CNNM4: variants seen among roughly 807,000 people sequenced by gnomAD.
CNNM4 encodes cyclin and CBS domain divalent metal cation transport mediator 4, also known as metal transporter CNNM4.
A neutral mutation model predicts 53.7 loss-of-function variants in CNNM4; 32 were observed. The observed-to-expected ratio is 0.60, with a 90% CI of 0.45 to 0.80. The LOEUF (loss-of-function observed/expected upper bound fraction) is 0.80, where lower values mean the gene tolerates loss of function less well. Ranked by LOEUF, CNNM4 falls within the 30% of genes least tolerant of loss-of-function variation. CNNM4 has a pLI of 0.00. For missense variants in CNNM4, 784 were observed against 1,022.0 expected, an observed-to-expected ratio of 0.77 and a Z score of 3.17; for synonymous variants, 410 against 440.0, an observed-to-expected ratio of 0.93 and a Z score of 0.85.
intron 1 of CNNM4, among the ~76,000 whole-genome samples, chr2:96,779,508 CA>C (rs1178143077): frequency 0.018 from 1,144 of 62,058 alleles, 9 homozygotes; most frequent in East Asian, 0.082. Context: ...GACCTCGTCT[CA>C]AAAAAAAAAA....
At chr2:96,780,931 GA>G (rs1225848232) in intron 1 of CNNM4, among the ~76,000 whole-genome samples, 2 of 134,704 alleles carry the variant, frequency 1.5e-5, no homozygotes, top group Non-Finnish European at 3.1e-5. Context: ...ATTTTTAGTA[GA>G]AATGAGGTTT....
In CNNM4 at chr2:96,761,986, C is replaced by T. The variant is rs1327581466; in HGVS notation, c.987C>T (p.Gly329=). The change falls in exon 1 of 7, where the codon GGC becomes GGT. Residue 329 remains glycine (G), a synonymous_variant. Transcript: ENST00000377075. The surrounding 1 kb of genome is among the most constrained non-coding windows in gnomAD (Gnocchi z 6.0). ...PISKLLDFFL[G]QEIRTVYNRE... is the part of the protein sequence containing the mutation. ...GCAAGCTCCTGGACTTTTTTCTGGG[C>T]CAGGAGATTCGCACTGTTTACAACC... 9.3e-6 allele frequency: 15 copies of T among 1,614,022 alleles called. No individual in the cohort carries two copies. The highest frequency in any genetic ancestry group is 1.3e-5 in the Non-Finnish European group (15 of 1,180,040).
chr2:96,760,939 T>C lies in CNNM4; in HGVS notation c.-61T>C, dbSNP rs1019352396. On this transcript the variant is annotated 5_prime_UTR_variant, in exon 1 of 7. Coordinates refer to ENST00000377075, the MANE Select transcript of CNNM4 (RefSeq NM_020184.4). ...GGCAGCGGAGCGGCCGGAGCTGCGG[T>C]GCGGACCGGGGCCGCGCGGCGTGGC... is the stretch of plus-strand genomic sequence containing the variant. The C allele has an allele frequency of 1.1e-6, 1 of 909,950 alleles. No individual in the cohort carries two copies. The highest frequency in any genetic ancestry group is 1.8e-5 in the African/African-American group (1 of 54,754). The allele number at this position is 909,950 out of a possible 1,614,324, so 56.4% of individuals were successfully genotyped here. A position where few individuals can be genotyped will look rare whatever the true frequency, so the allele number is the denominator to read the frequency against.
intron 5 of CNNM4, among the ~76,000 whole-genome samples, chr2:96,804,652 C>T (rs2079186637): frequency 6.6e-6 from 1 of 152,158 alleles, no homozygotes; most frequent in East Asian, 2.0e-4. Context: ...CCACCCGCCT[C>T]GGCCTCCCAA....
intron 1 of CNNM4, among the ~76,000 whole-genome samples, chr2:96,781,236 C>T (rs2078973228): frequency 6.6e-6 from 1 of 152,090 alleles, no homozygotes; most frequent in Non-Finnish European, 1.5e-5. Context: ...GCCTCAGCCT[C>T]CCAAAGTGCT....
At chr2:96,785,066 T>C (rs1321044183) in intron 1 of CNNM4, among the ~76,000 whole-genome samples, 1 of 151,932 alleles carries the variant, frequency 6.6e-6, no homozygotes, top group Non-Finnish European at 1.5e-5. Flanking sequence ...TTAGTAGAGA[T>C]AGGATTTCAT....
chr2:96,801,917 C>G lies in CNNM4; in HGVS notation c.1948+2269C>G, dbSNP rs578062547. 1.9e-3 allele frequency among the ~76,000 whole-genome samples: 293 copies of G among 151,506 alleles called. 1 individual carries two copies. The highest frequency in any genetic ancestry group is 0.011 in the South Asian group (50 of 4,748). On this transcript the variant is annotated intron_variant, in intron 5 of 6. Transcript: ENST00000377075. This position sits in a 1 kb window ranked among gnomAD's most constrained non-coding sequence, Gnocchi z 5.6. ...GGATACACATACACACATAGATACACCACTCATAGACACACAAACACACAC... is the reference window on the plus strand; with the variant it reads ...GGATACACATACACACATAGATACAGCACTCATAGACACACAAACACACAC...
At chr2:96,776,027 GTTT>G (rs538342553) in intron 1 of CNNM4, among the ~76,000 whole-genome samples, 1 of 128,748 alleles carries the variant, frequency 7.8e-6, no homozygotes. Flanking sequence ...TGCCATTGTG[GTTT>G]TTTTTTTTTT....
chr2:96,797,783 G>A lies in CNNM4; in HGVS notation c.1681+136G>A, dbSNP rs941324266. ...TGCAGAGACAACACAGCCACCCCTG[G>A]AAGGGGCCGGGTATCTGCTCCACCC... On this transcript the variant is annotated intron_variant, in intron 3 of 6. Transcript: ENST00000377075. The surrounding 1 kb of genome is among the most constrained non-coding windows in gnomAD (Gnocchi z 6.0). 4.0e-5 allele frequency: 48 copies of A among 1,199,024 alleles called. No homozygotes were observed. Among genetic ancestry groups the A allele is most frequent in the Non-Finnish European group, 5.6e-5 (47 of 839,630 alleles). The allele number at this position is 1,199,024 out of a possible 1,614,324, so 74.3% of individuals were successfully genotyped here.
Position 96,799,245 on chromosome 2 carries a change from G to C in CNNM4, c.1851+19G>C, listed in dbSNP as rs2079136090. 1 of 1,614,002 alleles carries C rather than the reference G, an allele frequency of 6.2e-7. No individual in the cohort carries two copies. Among genetic ancestry groups the C allele is most frequent in the Non-Finnish European group, 8.5e-7 (1 of 1,179,976 alleles). ...CCTGCAGGTGAGCCCGCTCAGCCCTGGGCCTGCCACCTGCTCCCCCTGGCA... is the reference window on the plus strand; with the variant it reads ...CCTGCAGGTGAGCCCGCTCAGCCCTCGGCCTGCCACCTGCTCCCCCTGGCA... On this transcript the variant is annotated intron_variant, in intron 4 of 6. Coordinates refer to ENST00000377075, the MANE Select transcript of CNNM4 (RefSeq NM_020184.4).
intron 1 of CNNM4, among the ~76,000 whole-genome samples, chr2:96,770,555 C>A (rs62156234): frequency 6.6e-6 from 1 of 152,164 alleles, no homozygotes; most frequent in Non-Finnish European, 1.5e-5. Context: ...TGAGCCTCAC[C>A]GTCCTTCGCA....
In CNNM4 at chr2:96,779,677, CTT is replaced by C. The variant is rs2078956442; in HGVS notation, c.1402+17278_1402+17279del. Among the ~76,000 whole-genome samples, 2 of 151,966 alleles carry C rather than the reference CTT, an allele frequency of 1.3e-5. 1 individual carries two copies. The highest frequency in any genetic ancestry group is 3.8e-4 in the East Asian group (2 of 5,196). ...AACCATGTTGGCATAATTGCAGTAA[CTT>C]TATAAGTTTTGATATCTGGTAATGT... On this transcript the variant is annotated intron_variant, in intron 1 of 6. Transcript: ENST00000377075.
rs565534900 is a variant in CNNM4, at chr2:96,783,197, C to T, written c.1403-13815C>T. Among the ~76,000 whole-genome samples, 25 of 152,200 alleles carry T rather than the reference C, an allele frequency of 1.6e-4. No individual in the cohort carries two copies. The South Asian group carries it at 4.8e-3, about 29-fold the overall frequency. On this transcript the variant is annotated intron_variant, in intron 1 of 6. Transcript: ENST00000377075. Reference sequence around the variant, plus strand: ...TGTAAGCAATTGAGCAAAGGTACAGCGGGGAAGGGGTTCCCTGCCACCTCT... The same window carrying T: ...TGTAAGCAATTGAGCAAAGGTACAGTGGGGAAGGGGTTCCCTGCCACCTCT...
chr2:96,799,526 C>CT (rs1197822008), intron 4 of CNNM4, 26 bp from the exon 5 acceptor site: 2 of 1,546,638 alleles, frequency 1.3e-6, no homozygotes, highest in African/African-American at 2.7e-5. Context: ...CACTTGGTCT[C>CT]TAACTCCAGC....
chr2:96,767,714 C>G (rs181205783), intron 1 of CNNM4, among the ~76,000 whole-genome samples: 16 of 152,264 alleles, frequency 1.1e-4, no homozygotes, highest in Admixed American at 6.5e-4. Flanking sequence ...GGCCTTGGAC[C>G]TGTTACTCCT....
At chr2:96,805,418 G>GTTTTTTTTTTTTTTTTTTTTTTTTTTTT (rs898761608) in intron 5 of CNNM4, among the ~76,000 whole-genome samples, 3 of 76,156 alleles carry the variant, frequency 3.9e-5, no homozygotes, top group Non-Finnish European at 5.3e-5. Flanking sequence ...CTTCTTTTCA[G>GTTTTTTTTTTTTTTTTTTTTTTTTTTTT]TTTTTTTTTT....
Position 96,797,955 on chromosome 2 carries a change from G to A in CNNM4, c.1681+308G>A, listed in dbSNP as rs1282899857. Among the ~76,000 whole-genome samples, 2 of 152,180 alleles carry A rather than the reference G, an allele frequency of 1.3e-5. No homozygotes were observed. The highest frequency in any genetic ancestry group is 2.9e-5 in the Non-Finnish European group (2 of 68,026). On this transcript the variant is annotated intron_variant, in intron 3 of 6. Transcript: ENST00000377075. The surrounding 1 kb of genome is among the most constrained non-coding windows in gnomAD (Gnocchi z 6.0). Reference sequence around the variant, plus strand: ...TGTAATCCCAGCACTTTGGGAGGCCGAGGCAGGAGGATTGCATGAGCCCAG... The same window carrying A: ...TGTAATCCCAGCACTTTGGGAGGCCAAGGCAGGAGGATTGCATGAGCCCAG...
intron 5 of CNNM4, among the ~76,000 whole-genome samples, chr2:96,802,570 A>G (rs548618745): frequency 2.6e-5 from 4 of 152,388 alleles, no homozygotes; most frequent in African/African-American, 9.6e-5. Flanking sequence ...TGCTGGCTAA[A>G]TGATAGTCTT....
chr2:96,763,554 G>A (rs1346552470), intron 1 of CNNM4, among the ~76,000 whole-genome samples: 1 of 152,192 alleles, frequency 6.6e-6, no homozygotes, highest in Non-Finnish European at 1.5e-5. Context: ...TACTGGCTGA[G>A]GCTGCTCAGG....
Sources: gnomAD v4.1 joint callset for allele counts (sites outside exome capture counted in the v4.1 genomes callset) on GRCh38, gnomAD v4.1.1 for gene constraint, Gnocchi (gnomAD v3.1) non-coding constraint, MANE v1.5 for transcripts, NCBI Gene and HGNC (gene_info 2026-07-23, HGNC 2026-07-21) for gene names.